Variants in GNG7 observed in about 807,000 individuals in gnomAD.
GNG7 encodes G protein subunit gamma 7.
Under a neutral mutation model 4.0 loss-of-function variants are expected in GNG7, and 1 was observed. The observed-to-expected ratio is 0.25, with a 90% CI of 0.09 to 1.18. The LOEUF (loss-of-function observed/expected upper bound fraction) is 1.18. GNG7 is among the 50% of genes most tolerant of loss of function. GNG7 has a pLI of 0.50. For missense variants in GNG7, 86 were observed against 91.9 expected (o/e 0.94, Z 0.26); for synonymous variants, 34 against 36.9 (o/e 0.92, Z 0.29).
At chr19:2,531,422 C>A (rs888210602) in intron 3 of GNG7, among the ~76,000 whole-genome samples, 1 of 151,500 alleles carries the variant, frequency 6.6e-6, no homozygotes, top group Non-Finnish European at 1.5e-5. Flanking sequence ...TAAGGTGATG[C>A]GAGATTGCTG....
chr19:2,575,472 CACACGCAGGCACATGCAG>C (rs1227754956), intron 2 of GNG7, among the ~76,000 whole-genome samples: 34 of 152,018 alleles, frequency 2.2e-4, no homozygotes, highest in African/African-American at 8.2e-4. Context: ...GACACGCAGG[CACACGCAGGCACATGCAG>C]ACACGCAGGC....
intron 2 of GNG7, among the ~76,000 whole-genome samples, chr19:2,602,196 G>GC (rs1335178911): frequency 6.6e-6 from 1 of 152,200 alleles, no homozygotes; most frequent in African/African-American, 2.4e-5. Context: ...AATTAGCCGG[G>GC]CGTGGTGGTG....
intron 1 of GNG7, among the ~76,000 whole-genome samples, chr19:2,650,514 C>G (rs1356823778): frequency 6.6e-6 from 1 of 152,160 alleles, no homozygotes; most frequent in Non-Finnish European, 1.5e-5. Flanking sequence ...GATGAGTTCT[C>G]ACTCTCTGCC....
intron 2 of GNG7, among the ~76,000 whole-genome samples, chr19:2,639,586 G>GGAAGGAATGGGGTGTTTC (rs71179903): frequency 3.3e-4 from 49 of 149,784 alleles, no homozygotes; most frequent in East Asian, 9.9e-4. Flanking sequence ...GATGTCAAAT[G>GGAAGGAATGGGGTGTTTC]TAGATGGCAG....
chr19:2,637,986 C>T (rs1982361597), intron 2 of GNG7, among the ~76,000 whole-genome samples: 1 of 152,200 alleles, frequency 6.6e-6, no homozygotes, highest in South Asian at 2.1e-4. Flanking sequence ...ATCCCAGGAG[C>T]TGGGGGTCCC....
At chr19:2,623,756 C>T (rs1981941027) in intron 2 of GNG7, among the ~76,000 whole-genome samples, 1 of 152,186 alleles carries the variant, frequency 6.6e-6, no homozygotes, top group Non-Finnish European at 1.5e-5. Context: ...TGGCAGGTGC[C>T]TGTAATTCCA....
chr19:2,697,517 A>G (rs1361628390), intron 1 of GNG7, among the ~76,000 whole-genome samples: 1 of 152,156 alleles, frequency 6.6e-6, no homozygotes, highest in Admixed American at 6.5e-5. Flanking sequence ...AACCATGAAC[A>G]CTTTTCTCTA....
intron 2 of GNG7, among the ~76,000 whole-genome samples, chr19:2,621,843 T>C (rs1257218955): frequency 6.6e-6 from 1 of 152,044 alleles, no homozygotes; most frequent in Non-Finnish European, 1.5e-5. Flanking sequence ...GGAAGGATCC[T>C]CTCCTGTAGC....
Position 2,514,795 on chromosome 19 carries a change from A to G in GNG7, c.*227T>C. ...CAAACTGAGAGGGCCATGGGGTCGGACCTGAAAATTCATCTCCACCTACAA... is the reference window on the plus strand; with the variant it reads ...CAAACTGAGAGGGCCATGGGGTCGGGCCTGAAAATTCATCTCCACCTACAA... On this transcript the variant is annotated 3_prime_UTR_variant, in exon 5 of 5. Coordinates refer to ENST00000382159, the MANE Select transcript of GNG7 (RefSeq NM_052847.3). The G allele has an allele frequency of 2.3e-6, 1 of 438,384 alleles. No individual in the cohort carries two copies. Among genetic ancestry groups the G allele is most frequent in the South Asian group, 2.9e-5 (1 of 34,410 alleles). 27.2% of individuals were successfully genotyped at this position (438,384 alleles called of 1,614,324 possible). A position where few individuals can be genotyped will look rare whatever the true frequency, so the allele number is the denominator to read the frequency against.
At chr19:2,656,747 G>T (rs1982985960) in intron 1 of GNG7, among the ~76,000 whole-genome samples, 1 of 152,074 alleles carries the variant, frequency 6.6e-6, no homozygotes, top group Non-Finnish European at 1.5e-5. Flanking sequence ...GCTGCTTCTG[G>T]GCTCCTACAG....
chr19:2,612,473 G>A (rs1459091217), intron 2 of GNG7, among the ~76,000 whole-genome samples: 1 of 152,090 alleles, frequency 6.6e-6, no homozygotes, highest in Admixed American at 6.6e-5. Context: ...GCCTGGGAGA[G>A]GGGAGGGGCC....
chr19:2,659,364 A>C (rs1983083880), intron 1 of GNG7, among the ~76,000 whole-genome samples: 1 of 150,642 alleles, frequency 6.6e-6, no homozygotes, highest in Non-Finnish European at 1.5e-5. Context: ...GGATCACCTG[A>C]GGTCAGGAGT....
intron 3 of GNG7, among the ~76,000 whole-genome samples, chr19:2,553,174 A>T (rs1174905735): frequency 1.3e-5 from 2 of 151,566 alleles, no homozygotes; most frequent in Non-Finnish European, 2.9e-5. Context: ...CTACACGCAG[A>T]AACGAAAGGA....
intron 2 of GNG7, among the ~76,000 whole-genome samples, chr19:2,612,092 C>T (rs1981586472): frequency 6.6e-6 from 1 of 152,102 alleles, no homozygotes; most frequent in African/African-American, 2.4e-5. Flanking sequence ...CCAGGATGGT[C>T]TCGATCTCTC....
rs79437754 is a variant in GNG7, at chr19:2,694,060, G to C, written c.-135+8586C>G. Among the ~76,000 whole-genome samples, 96 of 152,146 alleles carry C rather than the reference G, an allele frequency of 6.3e-4. 1 individual carries two copies. In the East Asian group the frequency reaches 0.017, roughly 26 times the overall value. Reference sequence around the variant, plus strand: ...AATGTCTCTATGCCTAAGAAATCTTGGTTGTTTGAGGATAAAATTATCTTC... The same window carrying C: ...AATGTCTCTATGCCTAAGAAATCTTCGTTGTTTGAGGATAAAATTATCTTC... On this transcript the variant is annotated intron_variant, in intron 1 of 4. Transcript: ENST00000382159.
chr19:2,650,076 G>A (rs1217312838), intron 1 of GNG7, among the ~76,000 whole-genome samples: 1 of 152,158 alleles, frequency 6.6e-6, no homozygotes, highest in Non-Finnish European at 1.5e-5. Context: ...TCCTGAGTAT[G>A]GAAGGACGTG....
At chr19:2,671,504 G>A (rs190404426) in intron 1 of GNG7, among the ~76,000 whole-genome samples, 7 of 152,158 alleles carry the variant, frequency 4.6e-5, no homozygotes, top group East Asian at 3.9e-4. Flanking sequence ...CCCGAGACCC[G>A]AGAGCTGGGG....
chr19:2,538,097 A>AAAC (rs1164139533), intron 3 of GNG7: 8 of 455,144 alleles, frequency 1.8e-5, no homozygotes, highest in South Asian at 9.3e-5. Flanking sequence ...AAACAAAACA[A>AAAC]AACAAAACAA....
At chr19:2,632,798 G>A (rs1253908225) in intron 2 of GNG7, 2 of 152,156 alleles carry the variant, frequency 1.3e-5, no homozygotes, top group African/African-American at 4.8e-5. Flanking sequence ...AAGAATATAA[G>A]AATAATAATT....
Sources: gnomAD v4.1 joint callset for allele counts (sites outside exome capture counted in the v4.1 genomes callset) on GRCh38, gnomAD v4.1.1 for gene constraint, MANE v1.5 for transcripts, NCBI Gene and HGNC (gene_info 2026-07-23, HGNC 2026-07-21) for gene names.